The following KCNK13 variants were observed in gnomAD, a reference collection of about 807,000 sequenced individuals.
KCNK13 encodes potassium two pore domain channel subfamily K member 13, also known as potassium channel subfamily K member 13.
A neutral mutation model predicts 23.4 loss-of-function variants in KCNK13; 12 were observed. That is an observed-to-expected ratio of 0.51 (90% CI 0.33 to 0.83). The LOEUF (loss-of-function observed/expected upper bound fraction) is 0.83. Among genes scored for constraint, KCNK13 ranks in the 40% least tolerant of loss-of-function variants. KCNK13 has a pLI of 0.02. For synonymous variants in KCNK13, 231 were observed against 229.5 expected, an observed-to-expected ratio of 1.01 and a Z score of -0.06; for missense variants, 463 against 556.3, an observed-to-expected ratio of 0.83 and a Z score of 1.69.
intron 1 of KCNK13, among the ~76,000 whole-genome samples, chr14:90,164,533 A>C (rs769046530): frequency 6.6e-6 from 1 of 152,200 alleles, no homozygotes; most frequent in Non-Finnish European, 1.5e-5. Context: ...TTAATCTTCT[A>C]CTAGGGTTGT....
intron 1 of KCNK13, among the ~76,000 whole-genome samples, chr14:90,071,830 G>A (rs186224180): frequency 2.6e-5 from 4 of 152,084 alleles, no homozygotes; most frequent in South Asian, 2.1e-4. Flanking sequence ...CCTGGAAGGC[G>A]GAAGTTGCAG....
chr14:90,132,215 G>A (rs1037562182), intron 1 of KCNK13, among the ~76,000 whole-genome samples: 5 of 152,174 alleles, frequency 3.3e-5, no homozygotes, highest in African/African-American at 1.2e-4. Flanking sequence ...CCATTGATAC[G>A]ATGTAACAAG....
chr14:90,157,702 C>CTTTTTTTTTTTTTTTT (rs34114368), intron 1 of KCNK13, among the ~76,000 whole-genome samples: 1 of 100,348 alleles, frequency 1.0e-5, no homozygotes, highest in African/African-American at 4.0e-5. Context: ...CTTGGCTTTC[C>CTTTTTTTTTTTTTTTT]TTTTTTTTTT....
chr14:90,184,670 C>A lies in KCNK13; in HGVS notation c.894C>A (p.Cys298Ter). ...NWILRKMDSG[C>*]CPQCQRGLLR... The stretch of plus-strand genomic sequence containing the variant: ...TCCTGAGGAAAATGGACAGCGGGTG[C>A]TGCCCGCAATGCCAGAGAGGACTCT... The change falls in exon 2 of 2, where the codon TGC becomes TGA. Residue 298 changes from cysteine (C) to a stop codon, truncating the protein, a stop_gained. Coordinates refer to ENST00000282146, the MANE Select transcript of KCNK13 (RefSeq NM_022054.4). LOFTEE classifies it low-confidence loss of function (END_TRUNC). The surrounding 1 kb of genome is among the most constrained non-coding windows in gnomAD (Gnocchi z 5.6). 1 of 1,614,242 alleles carries A rather than the reference C, an allele frequency of 6.2e-7. No individual in the cohort carries two copies. Among genetic ancestry groups the A allele is most frequent in the Non-Finnish European group, 8.5e-7 (1 of 1,180,052 alleles).
intron 1 of KCNK13, among the ~76,000 whole-genome samples, chr14:90,143,511 G>T (rs886107216): frequency 6.6e-6 from 1 of 151,948 alleles, no homozygotes; most frequent in African/African-American, 2.4e-5. Context: ...TCTCTATTGC[G>T]TTCCACTGAT....
chr14:90,177,293 C>T (rs1162153063), intron 1 of KCNK13: 1 of 152,122 alleles, frequency 6.6e-6, no homozygotes, highest in Non-Finnish European at 1.5e-5. Context: ...TGTTCTACTC[C>T]TTCCCCCATT....
chr14:90,084,227 T>C (rs550232586), intron 1 of KCNK13, among the ~76,000 whole-genome samples: 54 of 152,332 alleles, frequency 3.5e-4, no homozygotes, highest in African/African-American at 1.3e-3. Flanking sequence ...ATTGAATTAA[T>C]TTGGGGAATT....
chr14:90,129,293 T>C (rs558764658), intron 1 of KCNK13, among the ~76,000 whole-genome samples: 1 of 152,314 alleles, frequency 6.6e-6, no homozygotes, highest in Admixed American at 6.5e-5. Flanking sequence ...GTTTTTGCCA[T>C]TGTGATCAAT....
At chr14:90,111,200 C>T (rs1048020436) in intron 1 of KCNK13, among the ~76,000 whole-genome samples, 1 of 152,104 alleles carries the variant, frequency 6.6e-6, no homozygotes, top group Non-Finnish European at 1.5e-5. Context: ...TCTAGTTCTC[C>T]GTCCAAATCT....
At chr14:90,080,669 G>C (rs1410772211) in intron 1 of KCNK13, among the ~76,000 whole-genome samples, 1 of 152,078 alleles carries the variant, frequency 6.6e-6, no homozygotes, top group Non-Finnish European at 1.5e-5. Flanking sequence ...ACTCAGTATT[G>C]TTTTTTCTCT....
intron 1 of KCNK13, among the ~76,000 whole-genome samples, chr14:90,171,050 G>A (rs1056761356): frequency 1.3e-5 from 2 of 152,146 alleles, no homozygotes; most frequent in African/African-American, 4.8e-5. Context: ...AAATGAGTTT[G>A]GGGTCCCAAA....
intron 1 of KCNK13, among the ~76,000 whole-genome samples, chr14:90,173,403 T>A (rs550896044): frequency 5.9e-5 from 9 of 152,212 alleles, no homozygotes; most frequent in Middle Eastern, 3.4e-3. Flanking sequence ...AGCTCAAACT[T>A]TGATGAGGGG....
intron 1 of KCNK13, among the ~76,000 whole-genome samples, chr14:90,090,719 G>C (rs1466317046): frequency 6.6e-6 from 1 of 152,184 alleles, no homozygotes; most frequent in Non-Finnish European, 1.5e-5. Context: ...CCCAGTGGGA[G>C]GTAATTGAAT....
At chr14:90,094,246 C>A (rs1889382165) in intron 1 of KCNK13, among the ~76,000 whole-genome samples, 1 of 152,132 alleles carries the variant, frequency 6.6e-6, no homozygotes, top group Non-Finnish European at 1.5e-5. Flanking sequence ...TGCATTGTCT[C>A]CACTGAATGA....
intron 1 of KCNK13, among the ~76,000 whole-genome samples, chr14:90,073,914 C>T (rs1566946563): frequency 6.6e-6 from 1 of 151,942 alleles, no homozygotes; most frequent in Non-Finnish European, 1.5e-5. Flanking sequence ...ACCTCAGGTG[C>T]TCTGCCCACC....
chr14:90,062,650 A>C lies in KCNK13; in HGVS notation c.334+111A>C. ...TTCATCCATCTGGGCGCCCAGCCAGACTCCACTGACATGAGCTGTCGCCTG... is the reference window on the plus strand; with the variant it reads ...TTCATCCATCTGGGCGCCCAGCCAGCCTCCACTGACATGAGCTGTCGCCTG... On this transcript the variant is annotated intron_variant, in intron 1 of 1. Transcript: ENST00000282146. This position sits in a 1 kb window ranked among gnomAD's most constrained non-coding sequence, Gnocchi z 4.5. The C allele has an allele frequency of 2.5e-6, 2 of 792,930 alleles. No individual in the cohort carries two copies. Among genetic ancestry groups the C allele is most frequent in the Non-Finnish European group, 3.8e-6 (2 of 522,598 alleles). 49.1% of individuals were successfully genotyped at this position (792,930 alleles called of 1,614,324 possible). A position where few individuals can be genotyped will look rare whatever the true frequency, so the allele number is the denominator to read the frequency against.
chr14:90,099,182 T>C (rs1164342139), intron 1 of KCNK13, among the ~76,000 whole-genome samples: 1 of 152,198 alleles, frequency 6.6e-6, no homozygotes, highest in Non-Finnish European at 1.5e-5. Flanking sequence ...GTAACATAGT[T>C]GAGAAGAGAT....
intron 1 of KCNK13, among the ~76,000 whole-genome samples, chr14:90,068,607 C>CA (rs988171382): frequency 6.6e-5 from 10 of 151,126 alleles, no homozygotes; most frequent in Non-Finnish European, 1.2e-4. Flanking sequence ...CTGTCTCAAG[C>CA]AAAAAAAAGA....
chr14:90,098,662 A>G (rs879536234), intron 1 of KCNK13, among the ~76,000 whole-genome samples: 4 of 152,088 alleles, frequency 2.6e-5, no homozygotes, highest in Non-Finnish European at 5.9e-5. Context: ...CCAAAAAAAA[A>G]AAAAGAAAAC....
Sources: allele counts gnomAD v4.1 joint callset (sites outside exome capture counted in the v4.1 genomes callset), GRCh38; gene constraint gnomAD v4.1.1; non-coding constraint Gnocchi (gnomAD v3.1); transcripts MANE v1.5; gene names NCBI Gene and HGNC (gene_info 2026-07-23, HGNC 2026-07-21).